CSMD3: variants seen among roughly 807,000 people sequenced by gnomAD.
CSMD3 encodes CUB and Sushi multiple domains 3.
CSMD3 carries 177 observed loss-of-function variants against 435.2 expected under a neutral mutation model. The observed-to-expected ratio is 0.41, with a 90% CI of 0.36 to 0.46. CSMD3 has a LOEUF of 0.46. Ranked by LOEUF, CSMD3 falls within the 20% of genes least tolerant of loss-of-function variation. The pLI is 0.34. For missense variants in CSMD3, 4,265 were observed against 4,504.6 expected (o/e 0.95, Z 1.52); for synonymous variants, 1,656 against 1,520.5 (o/e 1.09, Z -2.07).
chr8:112,430,000 T>G (rs943982486), intron 32 of CSMD3, among the ~76,000 whole-genome samples: 1 of 152,020 alleles, frequency 6.6e-6, no homozygotes, highest in African/African-American at 2.4e-5. Context: ...AAAACAGTAG[T>G]GTCTGGTGGT....
chr8:113,018,609 T>C (rs568808435), intron 6 of CSMD3, among the ~76,000 whole-genome samples: 1 of 152,236 alleles, frequency 6.6e-6, no homozygotes, highest in African/African-American at 2.4e-5. Context: ...TTATATCCTA[T>C]GTATTGAAAA....
At chr8:112,604,128 A>AT (rs1404517305) in intron 22 of CSMD3, among the ~76,000 whole-genome samples, 2 of 152,108 alleles carry the variant, frequency 1.3e-5, no homozygotes, top group East Asian at 1.9e-4. Flanking sequence ...TTAAATGAAC[A>AT]TTTTTTCAGT....
intron 9 of CSMD3, among the ~76,000 whole-genome samples, chr8:112,929,390 A>T (rs12675782): frequency 0.023 from 1,137 of 50,102 alleles, 11 homozygotes; most frequent in African/African-American, 0.071. Flanking sequence ...AAAAAAAATT[A>T]AAAAAAAAAG....
chr8:112,817,765 T>C (rs2079416055), intron 12 of CSMD3, among the ~76,000 whole-genome samples: 1 of 152,102 alleles, frequency 6.6e-6, no homozygotes, highest in South Asian at 2.1e-4. Flanking sequence ...ATTGTGAGTT[T>C]AAATTTGCAG....
intron 17 of CSMD3, among the ~76,000 whole-genome samples, chr8:112,658,275 T>A (rs73702375): frequency 0.022 from 3,425 of 152,282 alleles, 133 homozygotes; most frequent in African/African-American, 0.079. Flanking sequence ...TTTTGCAGTA[T>A]GTGTTATGAG....
rs1286713985 is a variant in CSMD3, at chr8:112,517,082, G to A, written c.4708C>T (p.Gln1570Ter). 6.2e-7 allele frequency: 1 copy of A among 1,613,852 alleles called. No individual in the cohort carries two copies. Among genetic ancestry groups the A allele is most frequent in the Non-Finnish European group, 8.5e-7 (1 of 1,179,868 alleles). ...LQGEERITCI[Q>*]VENRYFWQPS... ...TGCCAGAAGTACCGATTTTCTACCT[G>A]AATGCAGGTTATTCTTTCCTCTCCT... Residue 1570 changes from glutamine (Q) to a stop codon, truncating the protein, a stop_gained, in exon 28 of 71, where the codon CAG becomes TAG. Coordinates refer to ENST00000297405, the MANE Select transcript of CSMD3 (RefSeq NM_198123.2). LOFTEE classifies it high-confidence loss of function.
chr8:112,235,618 T>C (rs1370373755), intron 67 of CSMD3, among the ~76,000 whole-genome samples: 1 of 151,990 alleles, frequency 6.6e-6, no homozygotes, highest in Non-Finnish European at 1.5e-5. Flanking sequence ...GAAAATAGGA[T>C]CTAAGAAAAA....
Position 113,005,762 on chromosome 8 carries a change from C to A in CSMD3, c.1030+13305G>T, listed in dbSNP as rs142472798. ...TTAATGTCAGTGCCTCTCTTAATTT[C>A]TCTTATTTTTAAAAAATAATAAACA... On this transcript the variant is annotated intron_variant, in intron 6 of 70. Coordinates refer to ENST00000297405, the MANE Select transcript of CSMD3 (RefSeq NM_198123.2). Among the ~76,000 whole-genome samples, 510 of 152,052 alleles carry A rather than the reference C, an allele frequency of 3.4e-3. 3 individuals carry two copies. The highest frequency in any genetic ancestry group is 0.011 in the African/African-American group (440 of 41,500).
intron 13 of CSMD3, among the ~76,000 whole-genome samples, chr8:112,691,940 A>G (rs1389382011): frequency 6.6e-6 from 1 of 151,874 alleles, no homozygotes; most frequent in East Asian, 1.9e-4. Context: ...AGCTCGGACT[A>G]TAGGTGCTCG....
At chr8:113,121,538 C>A (rs72685849) in intron 4 of CSMD3, among the ~76,000 whole-genome samples, 1 of 152,042 alleles carries the variant, frequency 6.6e-6, no homozygotes, top group Non-Finnish European at 1.5e-5. Context: ...AGTTTGGTCT[C>A]TTTCTCAGTC....
chr8:112,391,516 A>AC (rs1830413813), intron 35 of CSMD3, among the ~76,000 whole-genome samples: 1 of 151,988 alleles, frequency 6.6e-6, no homozygotes, highest in East Asian at 1.9e-4. Flanking sequence ...ATATGGTGAA[A>AC]CCCCGTCTCT....
chr8:112,751,643 TA>T (rs201868465), intron 13 of CSMD3, among the ~76,000 whole-genome samples: 21,006 of 141,292 alleles, frequency 0.15, 1,822 homozygotes, highest in Middle Eastern at 0.21. Flanking sequence ...TTTTTTTTTT[TA>T]TATATTTTAC....
chr8:112,971,060 CCT>C (rs2084638148), intron 7 of CSMD3, among the ~76,000 whole-genome samples: 1 of 152,080 alleles, frequency 6.6e-6, no homozygotes, highest in Non-Finnish European at 1.5e-5. Flanking sequence ...TCTGAGCAGC[CCT>C]CTTTGACTCA....
intron 61 of CSMD3, among the ~76,000 whole-genome samples, chr8:112,259,601 A>C (rs1586569473): frequency 6.6e-6 from 1 of 152,176 alleles, no homozygotes; most frequent in Non-Finnish European, 1.5e-5. Context: ...ATAAATAAAT[A>C]AATATTAAAA....
intron 45 of CSMD3, among the ~76,000 whole-genome samples, chr8:112,324,559 T>A (rs185719918): frequency 5.4e-4 from 81 of 148,698 alleles, no homozygotes; most frequent in Non-Finnish European, 8.1e-4. Context: ...ATTTAACTAG[T>A]TGAAGCAAGG....
At chr8:113,357,081 T>C (rs2094235549) in intron 1 of CSMD3, among the ~76,000 whole-genome samples, 2 of 152,200 alleles carry the variant, frequency 1.3e-5, no homozygotes, top group African/African-American at 2.4e-5. Context: ...TTTATGTGTT[T>C]GTGTTGTATT....
intron 31 of CSMD3, among the ~76,000 whole-genome samples, chr8:112,482,325 G>C (rs1188928391): frequency 1.3e-5 from 2 of 152,156 alleles, no homozygotes; most frequent in African/African-American, 4.8e-5. Context: ...GGAGGGCATA[G>C]ACAGTTAATG....
chr8:112,290,828 T>A (rs1819691126), intron 56 of CSMD3, among the ~76,000 whole-genome samples: 1 of 152,020 alleles, frequency 6.6e-6, no homozygotes, highest in Non-Finnish European at 1.5e-5. Flanking sequence ...TTGAGGCCTA[T>A]CAATTGACTG....
intron 6 of CSMD3, among the ~76,000 whole-genome samples, chr8:113,013,113 G>T (rs913390412): frequency 5.3e-5 from 8 of 151,924 alleles, no homozygotes; most frequent in African/African-American, 1.9e-4. Flanking sequence ...CTATTTTTAA[G>T]CCTGGACTAT....
Sources: allele counts gnomAD v4.1 joint callset (sites outside exome capture counted in the v4.1 genomes callset), GRCh38; gene constraint gnomAD v4.1.1; transcripts MANE v1.5; gene names NCBI Gene and HGNC (gene_info 2026-07-23, HGNC 2026-07-21).